Variants in STX8 observed in about 807,000 individuals in gnomAD.
The protein encoded by STX8 is syntaxin-8.
Under a neutral mutation model 37.5 loss-of-function variants are expected in STX8, and 23 were observed. The ratio of observed to expected loss-of-function variants is 0.61; its 90% CI spans 0.44 to 0.87. The LOEUF (loss-of-function observed/expected upper bound fraction) is 0.87. STX8 is among the 40% of genes least tolerant of loss of function. The probability of loss-of-function intolerance (pLI) is 0.00; values close to 1 mark genes in which losing one functional copy is unlikely to be tolerated. For missense variants in STX8, 313 were observed against 284.7 expected (o/e 1.10, Z -0.71); for synonymous variants, 115 against 99.1 (o/e 1.16, Z -0.95).
chr17:9,533,276 T>G (rs1199690099), intron 4 of STX8, among the ~76,000 whole-genome samples: 1 of 152,164 alleles, frequency 6.6e-6, no homozygotes, highest in Non-Finnish European at 1.5e-5. Context: ...AAGACCAGCC[T>G]GGCCAACATG....
chr17:9,285,460 C>T (rs1908040325), intron 7 of STX8, among the ~76,000 whole-genome samples: 1 of 151,694 alleles, frequency 6.6e-6, no homozygotes, highest in Non-Finnish European at 1.5e-5. Flanking sequence ...TCTCCGTCTA[C>T]CTGAGGCCCT....
At chr17:9,280,391 T>G (rs932481487) in intron 7 of STX8, among the ~76,000 whole-genome samples, 33 of 152,104 alleles carry the variant, frequency 2.2e-4, no homozygotes, top group African/African-American at 7.7e-4. Flanking sequence ...CCGTTGCTAT[T>G]AAAACTACAA....
At chr17:9,367,006 G>C (rs1911249224) in intron 7 of STX8, among the ~76,000 whole-genome samples, 1 of 152,096 alleles carries the variant, frequency 6.6e-6, no homozygotes, top group South Asian at 2.1e-4. Context: ...ATTTCAGCAA[G>C]AATCTGCCAC....
intron 4 of STX8, among the ~76,000 whole-genome samples, chr17:9,517,864 G>C (rs1905201124): frequency 6.6e-6 from 1 of 150,786 alleles, no homozygotes; most frequent in Non-Finnish European, 1.5e-5. Context: ...AGTGAAGAAA[G>C]GAAGAGATGG....
In STX8 at chr17:9,296,500, C is replaced by G. The variant is rs867310978; in HGVS notation, c.644-45855G>C. Among the ~76,000 whole-genome samples the G allele has an allele frequency of 4.1e-5, 5 of 123,220 alleles. No individual in the cohort carries two copies. The East Asian group carries it at 1.2e-3, about 29-fold the overall frequency. The allele number at this position is 123,220 out of a possible 152,430, so 80.8% of individuals were successfully genotyped here. Reference sequence around the variant, plus strand: ...GCAACGAGAGTGAAACTCCATCTCTCAAAAAAAAAAAAAAATGTATATTAG... The same window carrying G: ...GCAACGAGAGTGAAACTCCATCTCTGAAAAAAAAAAAAAAATGTATATTAG... On this transcript the variant is annotated intron_variant, in intron 7 of 7. Transcript: ENST00000306357.
At chr17:9,560,044 G>A (rs1413505383) in intron 2 of STX8, among the ~76,000 whole-genome samples, 1 of 150,086 alleles carries the variant, frequency 6.7e-6, no homozygotes, top group African/African-American at 2.5e-5. Context: ...TTACAGGCAT[G>A]AGCCACCGCG....
chr17:9,509,496 G>A (rs560008686), intron 4 of STX8, among the ~76,000 whole-genome samples: 5 of 152,090 alleles, frequency 3.3e-5, no homozygotes, highest in South Asian at 2.1e-4. Flanking sequence ...AAGCAAAAAC[G>A]AAGGTAATCC....
chr17:9,362,262 G>A (rs1370306089), intron 7 of STX8, among the ~76,000 whole-genome samples: 8 of 152,156 alleles, frequency 5.3e-5, no homozygotes, highest in Non-Finnish European at 8.8e-5. Context: ...CCAGGGAGGC[G>A]GAGGTTGCAG....
chr17:9,335,937 C>T (rs980390035), intron 7 of STX8, among the ~76,000 whole-genome samples: 5 of 152,020 alleles, frequency 3.3e-5, no homozygotes, highest in Non-Finnish European at 7.4e-5. Flanking sequence ...GGTTATATGG[C>T]TATGTGTTTA....
At chr17:9,285,485 C>T (rs1037735255) in intron 7 of STX8, among the ~76,000 whole-genome samples, 1 of 151,714 alleles carries the variant, frequency 6.6e-6, no homozygotes, top group Non-Finnish European at 1.5e-5. Context: ...TGCTGGGTGT[C>T]TTCAATACCA....
chr17:9,414,056 GTCCATCCATCCATCCACCCATCTGTCCA>G (rs1913076141), intron 6 of STX8, among the ~76,000 whole-genome samples: 2 of 115,618 alleles, frequency 1.7e-5, no homozygotes, highest in South Asian at 2.8e-4. Context: ...CCGTCCGTCT[GTCCATCCATCCATCCACCCATCTGTCCA>G]TCCATCCATC....
At position 9,396,421 on chromosome 17, in the gene STX8, C is replaced by T. The variant is rs917639691; in HGVS notation, c.542-17768G>A. 7.9e-5 allele frequency among the ~76,000 whole-genome samples: 12 copies of T among 152,130 alleles called. No individual in the cohort carries two copies. The East Asian group carries it at 1.9e-3, about 24-fold the overall frequency. On this transcript the variant is annotated intron_variant, in intron 6 of 7. Coordinates refer to ENST00000306357, the MANE Select transcript of STX8 (RefSeq NM_004853.3). ...TATATGGGCCGGGCGCAGTGGCTCA[C>T]GCCTGTAATCCCGCACTTTGGGAGG...
chr17:9,286,562 T>C (rs1465501544), intron 7 of STX8, among the ~76,000 whole-genome samples: 2 of 152,156 alleles, frequency 1.3e-5, no homozygotes, highest in Non-Finnish European at 1.5e-5. Context: ...TTTGATAGCT[T>C]GTAAGCTCAC....
chr17:9,349,316 CTTTTTTTTTTT>C (rs61627405), intron 7 of STX8, among the ~76,000 whole-genome samples: 37 of 109,798 alleles, frequency 3.4e-4, no homozygotes, highest in African/African-American at 9.4e-4. Context: ...ATTTTCTTTT[CTTTTTTTTTTT>C]TTTTTTTTTT....
intron 7 of STX8, among the ~76,000 whole-genome samples, chr17:9,370,637 C>T (rs551473731): frequency 4.6e-5 from 7 of 152,194 alleles, no homozygotes; most frequent in Admixed American, 3.9e-4. Flanking sequence ...TCACAATAAA[C>T]GTGCTTAGAC....
At chr17:9,508,840 G>A (rs2142505779) in intron 4 of STX8, among the ~76,000 whole-genome samples, 1 of 152,280 alleles carries the variant, frequency 6.6e-6, no homozygotes, top group South Asian at 2.1e-4. Flanking sequence ...CAAGTCTTGG[G>A]AGCTTCCAGA....
intron 6 of STX8, among the ~76,000 whole-genome samples, chr17:9,398,187 C>T (rs959709029): frequency 1.3e-5 from 2 of 152,040 alleles, no homozygotes; most frequent in East Asian, 3.8e-4. Context: ...GGAGTAACTT[C>T]GAGGTGGAGA....
chr17:9,290,848 T>C (rs867338368), intron 7 of STX8, among the ~76,000 whole-genome samples: 1 of 152,222 alleles, frequency 6.6e-6, no homozygotes, highest in African/African-American at 2.4e-5. Context: ...ACATGCTTCT[T>C]ATTAGGGTGC....
chr17:9,305,173 A>G (rs888512370), intron 7 of STX8, among the ~76,000 whole-genome samples: 1 of 151,780 alleles, frequency 6.6e-6, no homozygotes, highest in African/African-American at 2.4e-5. Context: ...GCTCACTGCA[A>G]CCTCCACCTC....
Sources: allele counts gnomAD v4.1 joint callset (sites outside exome capture counted in the v4.1 genomes callset), GRCh38; gene constraint gnomAD v4.1.1; transcripts MANE v1.5; gene names NCBI Gene and HGNC (gene_info 2026-07-23, HGNC 2026-07-21).